MGAT4C: variants seen among roughly 807,000 people sequenced by gnomAD.
MGAT4C encodes alpha-1,3-mannosyl-glycoprotein 4-beta-N-acetylglucosaminyltransferase C.
In MGAT4C, 19 loss-of-function variants were observed where a neutral mutation model predicts 40.1. That is an observed-to-expected ratio of 0.47 (90% CI 0.33 to 0.70). The LOEUF is 0.70. Among genes scored for constraint, MGAT4C ranks in the 30% least tolerant of loss-of-function variants. The pLI is 0.02. For missense variants in MGAT4C, 491 were observed against 563.2 expected, an observed-to-expected ratio of 0.87 and a Z score of 1.30; for synonymous variants, 181 against 187.1, an observed-to-expected ratio of 0.97 and a Z score of 0.27.
At chr12:86,590,407 G>T (rs1961279248) in intron 2 of MGAT4C, among the ~76,000 whole-genome samples, 1 of 151,816 alleles carries the variant, frequency 6.6e-6, no homozygotes, top group Non-Finnish European at 1.5e-5. Flanking sequence ...CTATTTAACT[G>T]GTTCCTGCTC....
At chr12:86,069,032 TG>T (rs762978444) in intron 1 of MGAT4C, among the ~76,000 whole-genome samples, 1 of 152,200 alleles carries the variant, frequency 6.6e-6, no homozygotes, top group Non-Finnish European at 1.5e-5. Context: ...TGGACTGGTT[TG>T]TCCTCATTTC....
chr12:86,199,551 A>G (rs1331579529), intron 1 of MGAT4C, among the ~76,000 whole-genome samples: 2 of 152,040 alleles, frequency 1.3e-5, no homozygotes, highest in Non-Finnish European at 2.9e-5. Flanking sequence ...TGTGTATTTC[A>G]TGCCCTGGGT....
intron 1 of MGAT4C, among the ~76,000 whole-genome samples, chr12:86,140,923 C>T (rs2135738314): frequency 6.6e-6 from 1 of 152,210 alleles, no homozygotes; most frequent in African/African-American, 2.4e-5. Context: ...TTGAATACCC[C>T]CAACTTCCAA....
chr12:86,486,275 T>G (rs924761162), intron 2 of MGAT4C, among the ~76,000 whole-genome samples: 7 of 151,886 alleles, frequency 4.6e-5, no homozygotes, highest in African/African-American at 1.7e-4. Context: ...GAAAGGTCTA[T>G]GAAAAGACAA....
chr12:86,201,768 A>G (rs839157), intron 1 of MGAT4C, among the ~76,000 whole-genome samples: 102,581 of 151,626 alleles, frequency 0.68, 35,010 homozygotes, highest in South Asian at 0.75. Flanking sequence ...CTAACAATAT[A>G]TAATCTTCCA....
At chr12:86,837,850 C>G (rs1953069194) in intron 1 of MGAT4C, among the ~76,000 whole-genome samples, 2 of 152,134 alleles carry the variant, frequency 1.3e-5, no homozygotes, top group Admixed American at 1.3e-4. Context: ...CGGAAGTCAC[C>G]TTTGCTGTTC....
rs1390452060 is a variant in MGAT4C, at chr12:86,212,910, AAAAAAAAAAAAG to A, written c.-57+43317_-57+43328del. On this transcript the variant is annotated intron_variant, in intron 1 of 4. Coordinates refer to ENST00000611864, the MANE Select transcript of MGAT4C (RefSeq NM_001351288.2). ...CCGTCTCAAAAAAAAAAAAAAAAAA[AAAAAAAAAAAAG>A]AACACTCATTAACTGTTAGTGAGAT... 2.2e-4 allele frequency among the ~76,000 whole-genome samples: 32 copies of A among 147,076 alleles called. 3 individuals carry two copies. The highest frequency in any genetic ancestry group is 3.3e-4 in the Non-Finnish European group (22 of 66,420).
At chr12:86,400,509 A>G (rs567114348) in intron 3 of MGAT4C, among the ~76,000 whole-genome samples, 3 of 152,158 alleles carry the variant, frequency 2.0e-5, no homozygotes, top group African/African-American at 7.2e-5. Context: ...TGCAGATTAG[A>G]TGGTAAGCCA....
intron 3 of MGAT4C, among the ~76,000 whole-genome samples, chr12:86,345,279 T>A (rs532491425): frequency 1.3e-5 from 2 of 151,908 alleles, no homozygotes; most frequent in African/African-American, 2.4e-5. Flanking sequence ...TTATTTTATT[T>A]TTATTATTAT....
intron 1 of MGAT4C, among the ~76,000 whole-genome samples, chr12:86,081,958 G>A (rs1220564215): frequency 6.6e-6 from 1 of 152,064 alleles, no homozygotes; most frequent in East Asian, 1.9e-4. Flanking sequence ...ACTAGAGAAT[G>A]GAGACATTAT....
At chr12:86,379,459 CA>C (rs1049350467) in intron 3 of MGAT4C, among the ~76,000 whole-genome samples, 1 of 152,102 alleles carries the variant, frequency 6.6e-6, no homozygotes, top group African/African-American at 2.4e-5. Context: ...TAGCATCATG[CA>C]GTAAAGTTTA....
At chr12:86,403,921 G>T (rs895501471) in intron 3 of MGAT4C, among the ~76,000 whole-genome samples, 5 of 152,136 alleles carry the variant, frequency 3.3e-5, no homozygotes, top group African/African-American at 1.2e-4. Flanking sequence ...AAATACTGAA[G>T]CAATGAAATT....
At chr12:86,034,652 C>A (rs1891060674) in intron 2 of MGAT4C, among the ~76,000 whole-genome samples, 1 of 148,642 alleles carries the variant, frequency 6.7e-6, no homozygotes, top group Non-Finnish European at 1.5e-5. Flanking sequence ...AATAGGTATA[C>A]ATGTGCCATA....
At chr12:86,514,067 AACACACACAC>A (rs71078908) in intron 2 of MGAT4C, among the ~76,000 whole-genome samples, 254 of 134,022 alleles carry the variant, frequency 1.9e-3, no homozygotes, top group African/African-American at 6.1e-3. Flanking sequence ...GCCATGCACC[AACACACACAC>A]ACACACACAC....
At chr12:86,180,594 G>A (rs1016348528) in intron 1 of MGAT4C, among the ~76,000 whole-genome samples, 9 of 152,290 alleles carry the variant, frequency 5.9e-5, no homozygotes, top group Non-Finnish European at 1.0e-4. Flanking sequence ...AGCATGACCT[G>A]GATGTGAGAC....
At position 86,436,809 on chromosome 12, in the gene MGAT4C, G is replaced by A. The variant is rs1346186353; in HGVS notation, c.-228-1544C>T. ...AACATATTCGGAGCTGTGATACATT[G>A]AGACCTTTTCCTATGCCTAATTATT... is the stretch of plus-strand genomic sequence containing the variant. On this transcript the variant is annotated intron_variant, in intron 2 of 7. Coordinates refer to the MGAT4C transcript ENST00000548651. 2.0e-5 allele frequency among the ~76,000 whole-genome samples: 3 copies of A among 151,834 alleles called. No individual in the cohort carries two copies. In the East Asian group the frequency reaches 5.8e-4, roughly 29 times the overall value.
intron 1 of MGAT4C, among the ~76,000 whole-genome samples, chr12:86,780,140 TAAGACTTTA>T (rs1482432455): frequency 2.0e-5 from 3 of 152,144 alleles, no homozygotes; most frequent in Non-Finnish European, 4.4e-5. Flanking sequence ...TTTTGTTGTT[TAAGACTTTA>T]ACCTTAACTT....
intron 3 of MGAT4C, among the ~76,000 whole-genome samples, chr12:86,431,827 T>G (rs1204464058): frequency 1.3e-5 from 2 of 152,162 alleles, no homozygotes; most frequent in Non-Finnish European, 2.9e-5. Flanking sequence ...AAAAGTTTCA[T>G]CTGTATCCAT....
intron 2 of MGAT4C, among the ~76,000 whole-genome samples, chr12:86,509,217 C>T (rs1427502718): frequency 6.6e-6 from 1 of 152,038 alleles, no homozygotes; most frequent in African/African-American, 2.4e-5. Context: ...GTCTTTAATC[C>T]ATCTTGAATT....
Sources: gnomAD v4.1 joint callset for allele counts (sites outside exome capture counted in the v4.1 genomes callset) on GRCh38, gnomAD v4.1.1 for gene constraint, MANE v1.5 for transcripts, NCBI Gene and HGNC (gene_info 2026-07-23, HGNC 2026-07-21) for gene names.